ASIC2: variants seen among roughly 807,000 people sequenced by gnomAD.
ASIC2 encodes acid sensing ion channel subunit 2.
Under a neutral mutation model 57.3 loss-of-function variants are expected in ASIC2, and 25 were observed. The observed-to-expected ratio is 0.44, with a 90% CI of 0.32 to 0.61. The LOEUF (loss-of-function observed/expected upper bound fraction) is 0.61. ASIC2 is among the 20% of genes least tolerant of loss of function. The pLI is 0.06. For missense variants in ASIC2, 641 were observed against 738.1 expected, an observed-to-expected ratio of 0.87 and a Z score of 1.52; for synonymous variants, 319 against 307.5, an observed-to-expected ratio of 1.04 and a Z score of -0.39.
chr17:34,004,659 A>G (rs1321219816), intron 1 of ASIC2: 1 of 152,222 alleles, frequency 6.6e-6, no homozygotes, highest in Admixed American at 6.5e-5. Context: ...AGTGAGAATA[A>G]GAACAATACC....
intron 6 of ASIC2, among the ~76,000 whole-genome samples, chr17:33,023,370 G>A (rs1444854447): frequency 1.3e-5 from 2 of 151,780 alleles, no homozygotes; most frequent in African/African-American, 4.8e-5. Context: ...GGCGCCTGTA[G>A]TTCCAGCTGC....
chr17:33,762,125 G>A (rs1251761083), intron 1 of ASIC2, among the ~76,000 whole-genome samples: 5 of 152,150 alleles, frequency 3.3e-5, no homozygotes, highest in African/African-American at 4.8e-5. Flanking sequence ...AGCGAACTCA[G>A]CAGGTGCTGA....
chr17:33,726,481 G>A (rs1264201406), intron 1 of ASIC2, among the ~76,000 whole-genome samples: 1 of 152,154 alleles, frequency 6.6e-6, no homozygotes, highest in Admixed American at 6.5e-5. Flanking sequence ...ATGAAGGAGT[G>A]GGGAGAAAGC....
At chr17:34,143,424 A>T (rs926447400) in intron 1 of ASIC2, among the ~76,000 whole-genome samples, 6 of 152,220 alleles carry the variant, frequency 3.9e-5, no homozygotes, top group Admixed American at 2.6e-4. Context: ...CATCATTAAG[A>T]TGAATTAATG....
At chr17:33,300,943 CATTG>C (rs563542486) in intron 1 of ASIC2, among the ~76,000 whole-genome samples, 331 of 152,246 alleles carry the variant, frequency 2.2e-3, no homozygotes, top group Middle Eastern at 3.4e-3. Flanking sequence ...TGATAGTTGA[CATTG>C]ATTGAGCATT....
At position 33,538,216 on chromosome 17, in the gene ASIC2, G is replaced by A. The variant is rs556223183; in HGVS notation, c.556-426149C>T. Among the ~76,000 whole-genome samples, 3 of 152,298 alleles carry A rather than the reference G, an allele frequency of 2.0e-5. No individual in the cohort carries two copies. In the South Asian group the frequency reaches 6.2e-4, roughly 32 times the overall value. On this transcript the variant is annotated intron_variant, in intron 1 of 9. Transcript: ENST00000359872. ...CTTTAGTTGGACCTTAGAGACAGGA[G>A]AAGCAGGGTATGGAAGCTAAACAGG...
At chr17:33,970,479 A>C (rs968973785) in intron 1 of ASIC2, among the ~76,000 whole-genome samples, 5 of 152,168 alleles carry the variant, frequency 3.3e-5, no homozygotes, top group Non-Finnish European at 7.4e-5. Flanking sequence ...CCAAGCCCTG[A>C]TCTATGGGCA....
intron 1 of ASIC2, among the ~76,000 whole-genome samples, chr17:33,317,118 G>A (rs111878911): frequency 5.3e-4 from 81 of 152,334 alleles, no homozygotes; most frequent in African/African-American, 1.9e-3. Flanking sequence ...ACAGTTATAG[G>A]CTGGCTAATT....
intron 1 of ASIC2, among the ~76,000 whole-genome samples, chr17:33,136,661 G>A (rs1352611386): frequency 6.6e-6 from 1 of 152,142 alleles, no homozygotes; most frequent in African/African-American, 2.4e-5. Flanking sequence ...CTGAAGAAGG[G>A]GCAAAATACT....
intron 1 of ASIC2, among the ~76,000 whole-genome samples, chr17:34,068,432 C>T (rs1410729441): frequency 1.3e-5 from 2 of 152,160 alleles, no homozygotes; most frequent in Non-Finnish European, 2.9e-5. Flanking sequence ...GTTCGATAAG[C>T]TATTATACCT....
intron 1 of ASIC2, among the ~76,000 whole-genome samples, chr17:33,231,667 G>T (rs1239573057): frequency 6.6e-6 from 1 of 152,116 alleles, no homozygotes; most frequent in Non-Finnish European, 1.5e-5. Context: ...GGGTCACTGT[G>T]ATCAGGGTTC....
chr17:33,463,755 C>T (rs1250989026), intron 1 of ASIC2, among the ~76,000 whole-genome samples: 1 of 152,216 alleles, frequency 6.6e-6, no homozygotes, highest in Non-Finnish European at 1.5e-5. Context: ...CCAGCCCAGT[C>T]GATCTCTCTC....
chr17:33,266,744 G>A (rs1909477387), intron 1 of ASIC2, among the ~76,000 whole-genome samples: 1 of 152,064 alleles, frequency 6.6e-6, no homozygotes, highest in South Asian at 2.1e-4. Flanking sequence ...GATGTCAATG[G>A]TGCATGCCAT....
intron 1 of ASIC2, among the ~76,000 whole-genome samples, chr17:34,088,077 T>A (rs1910177988): frequency 6.6e-6 from 1 of 152,272 alleles, no homozygotes; most frequent in Non-Finnish European, 1.5e-5. Flanking sequence ...GTTCCATTGC[T>A]GGTGAGGAAC....
intron 1 of ASIC2, among the ~76,000 whole-genome samples, chr17:33,759,009 T>A (rs1252710187): frequency 6.6e-6 from 1 of 151,748 alleles, no homozygotes; most frequent in Non-Finnish European, 1.5e-5. Context: ...CTGGAAGAAT[T>A]TGGAAGAGCA....
chr17:33,772,012 C>A (rs1417743730), intron 1 of ASIC2, among the ~76,000 whole-genome samples: 1 of 152,146 alleles, frequency 6.6e-6, no homozygotes, highest in Non-Finnish European at 1.5e-5. Context: ...AAGCTTTTCT[C>A]TGGTTTTCTC....
rs148737988 is a variant in ASIC2 at position 34,058,552 on chromosome 17, C to T, written c.555+97426G>A. ...ACTTTCATTCCTGTAGCACTAGCTGCTCAATTCAAAGACAGGTAGCAGGCC... is the reference window on the plus strand; with the variant it reads ...ACTTTCATTCCTGTAGCACTAGCTGTTCAATTCAAAGACAGGTAGCAGGCC... On this transcript the variant is annotated intron_variant, in intron 1 of 9. Coordinates refer to the ASIC2 transcript ENST00000359872. 7.0e-4 allele frequency among the ~76,000 whole-genome samples: 106 copies of T among 152,306 alleles called. 1 individual carries two copies. Among genetic ancestry groups the T allele is most frequent in the East Asian group, 1.4e-3 (7 of 5,178 alleles).
chr17:34,153,012 C>A (rs1334207288), intron 1 of ASIC2, among the ~76,000 whole-genome samples: 1 of 152,196 alleles, frequency 6.6e-6, no homozygotes, highest in East Asian at 1.9e-4. Flanking sequence ...CACCTGTTTA[C>A]ATTGTAGTCA....
intron 1 of ASIC2, among the ~76,000 whole-genome samples, chr17:33,788,952 A>C (rs1357576189): frequency 6.6e-6 from 1 of 152,210 alleles, no homozygotes; most frequent in Non-Finnish European, 1.5e-5. Context: ...CAATAGGTGC[A>C]GCAAACCACC....
Sources: gnomAD v4.1 joint callset for allele counts (sites outside exome capture counted in the v4.1 genomes callset) on GRCh38, gnomAD v4.1.1 for gene constraint, MANE v1.5 for transcripts, NCBI Gene and HGNC (gene_info 2026-07-23, HGNC 2026-07-21) for gene names.